The following PLA2G6 variants were observed in gnomAD, a reference collection of about 807,000 sequenced individuals.
The protein encoded by PLA2G6 is phospholipase A2 group VI.
A neutral mutation model predicts 83.8 loss-of-function variants in PLA2G6; 62 were observed. The ratio of observed to expected loss-of-function variants is 0.74; its 90% confidence interval spans 0.60 to 0.91. The LOEUF (loss-of-function observed/expected upper bound fraction) is 0.91, where lower values mean the gene tolerates loss of function less well. Ranked by LOEUF, PLA2G6 falls within the 40% of genes least tolerant of loss-of-function variation. The pLI is 0.00. For synonymous variants in PLA2G6, 417 were observed against 449.8 expected (o/e 0.93, Z 0.92); for missense variants, 944 against 1,102.0 (o/e 0.86, Z 2.03).
At chr22:38,138,386 C>T (rs1383008793) in intron 5 of PLA2G6, 9 of 152,454 alleles carry the variant, frequency 5.9e-5, no homozygotes, top group African/African-American at 1.9e-4. Context: ...TTGGTCCAGC[C>T]CTTAGAAGGG....
chr22:38,112,456 G>A (rs1295860526), intron 16 of PLA2G6, 48 bp downstream of exon 16: 11 of 1,522,576 alleles, frequency 7.2e-6, no homozygotes, highest in Admixed American at 2.0e-5. Context: ...CGGTGAGTCC[G>A]ACCACGCCAG....
intron 1 of PLA2G6, among the ~76,000 whole-genome samples, chr22:38,169,789 G>C (rs933334328): frequency 4.6e-5 from 7 of 152,212 alleles, no homozygotes; most frequent in Admixed American, 4.6e-4. Flanking sequence ...CCTGTAGTGT[G>C]TGGTATTGAC....
chr22:38,133,354 C>G lies in PLA2G6; in HGVS notation c.895-341G>C, dbSNP rs191281061. ...CGCTCCCTGCATCCCTCCCTGGAAC[C>G]CTGCAAAGGTATCACCTCTCACTGG... is the stretch of plus-strand genomic sequence containing the variant. On this transcript the variant is annotated intron_variant, in intron 6 of 16. Coordinates refer to ENST00000332509, the MANE Select transcript of PLA2G6 (RefSeq NM_003560.4). 5.5e-4 allele frequency: 205 copies of G among 374,554 alleles called. No individual in the cohort carries two copies. The East Asian group carries it at 8.5e-3, about 16-fold the overall frequency. The allele number at this position is 374,554 out of a possible 1,614,324, so 23.2% of individuals were successfully genotyped here.
chr22:38,161,757 G>A (rs2090020816), intron 2 of PLA2G6, among the ~76,000 whole-genome samples: 1 of 152,080 alleles, frequency 6.6e-6, no homozygotes, highest in South Asian at 2.1e-4. Context: ...GACAGCAGCA[G>A]GGCTATCAGC....
At chr22:38,127,469 G>C (rs2087935038) in intron 9 of PLA2G6, 1 of 1,325,758 alleles carries the variant, frequency 7.5e-7, no homozygotes, top group Non-Finnish European at 1.0e-6. Context: ...CTGCAAAATT[G>C]AGAGATAAAG....
Position 38,148,507 on chromosome 22 carries a change from T to C in PLA2G6, c.210-2854A>G, listed in dbSNP as rs142804375. 1.3e-3 allele frequency: 925 copies of C among 716,878 alleles called. 1 individual carries two copies. The highest frequency in any genetic ancestry group is 2.0e-3 in the Non-Finnish European group (767 of 384,932). 44.4% of individuals were successfully genotyped at this position (716,878 alleles called of 1,614,324 possible). On this transcript the variant is annotated intron_variant, in intron 2 of 16. Transcript: ENST00000332509. ...TGATGACTCACCAGGCTGGAAGGAATGATGGAAACCCAGGAATTGCAGTGT... is the reference window on the plus strand; with the variant it reads ...TGATGACTCACCAGGCTGGAAGGAACGATGGAAACCCAGGAATTGCAGTGT...
rs1350677479 is a variant in PLA2G6, at chr22:38,113,493, C to T, written c.2196G>A (p.Val732=). 1 of 1,614,042 alleles carries T rather than the reference C, an allele frequency of 6.2e-7. No homozygotes were observed. Among genetic ancestry groups the T allele is most frequent in the African/African-American group, 1.3e-5 (1 of 75,038 alleles). ...FGAKELGKMV[V]DCCTDPDGRA... Reference sequence around the variant, plus strand: ...GGGAGGGGCCCACACTCACACAGTCCACCACCATCTTGCCCAGTTCCTTGG... The same window carrying T: ...GGGAGGGGCCCACACTCACACAGTCTACCACCATCTTGCCCAGTTCCTTGG... The change falls in exon 15 of 17, where the codon GTG becomes GTA. Residue 732 remains valine (V), a synonymous_variant. Coordinates refer to ENST00000332509, the MANE Select transcript of PLA2G6 (RefSeq NM_003560.4).
In PLA2G6 at chr22:38,123,172, C is replaced by T. The variant is rs1183054597; in HGVS notation, c.1514G>A (p.Gly505Asp). The T allele has an allele frequency of 3.2e-6, 5 of 1,551,394 alleles. No homozygotes were observed. The highest frequency in any genetic ancestry group is 2.4e-5 in the East Asian group (1 of 41,028). The stretch of plus-strand genomic sequence containing the variant: ...GTCAAACAGGTCCTTGGTGGCCACA[C>T]CCGAGGCCTTCTCGATGGCGATGAG... ...QLLIAIEKAS[G>D]VATKDLFDWV... is the part of the protein sequence containing the mutation. Residue 505 changes from glycine (G) to aspartate (D), a missense_variant, in exon 11 of 17, where the codon GGT becomes GAT. Gly to Asp is a moderately conservative substitution (Grantham distance 94, BLOSUM62 -1). Coordinates refer to ENST00000332509, the MANE Select transcript of PLA2G6 (RefSeq NM_003560.4). The surrounding 1 kb of genome is among the most constrained non-coding windows in gnomAD (Gnocchi z 4.1).
chr22:38,113,600 T>G lies in PLA2G6; in HGVS notation c.2089A>C (p.Arg697=). 6.2e-7 allele frequency: 1 copy of G among 1,613,404 alleles called. No homozygotes were observed. The highest frequency in any genetic ancestry group is 8.5e-7 in the Non-Finnish European group (1 of 1,179,504). The change falls in exon 15 of 17, where the codon AGG becomes CGG. Residue 697 remains arginine, a synonymous_variant. Transcript: ENST00000332509. ...LSIVVSLGTG[R]SPQVPVTCVD... is the part of the protein sequence containing the mutation. ...CAGGTCACAGGCACTTGTGGGGACC[T>G]CCCTGTCCCCAGGGAGACAACGATG...
At chr22:38,148,145 G>A (rs941315285) in intron 2 of PLA2G6, 8 of 258,074 alleles carry the variant, frequency 3.1e-5, no homozygotes, top group Middle Eastern at 1.5e-3. Flanking sequence ...AGGCATGCAC[G>A]ACCTTGACAA....
At chr22:38,127,441 CCTGGCTTGGGTGA>C in intron 9 of PLA2G6, 1 of 1,332,068 alleles carries the variant, frequency 7.5e-7, no homozygotes, top group Non-Finnish European at 1.0e-6. Context: ...CACCATCCGG[CCTGGCTTGGGTGA>C]CTGCCTGCAA....
At chr22:38,127,633 GACTGGCT>G (rs1281048355) in intron 9 of PLA2G6, among the ~76,000 whole-genome samples, 2 of 152,202 alleles carry the variant, frequency 1.3e-5, no homozygotes, top group Non-Finnish European at 2.9e-5. Flanking sequence ...GCTCACCAAG[GACTGGCT>G]CCTGGCTGCC....
intron 2 of PLA2G6, chr22:38,149,406 T>A (rs1418854025): frequency 6.6e-6 from 1 of 151,886 alleles, no homozygotes; most frequent in African/African-American, 2.4e-5. Flanking sequence ...TTTTGAATGA[T>A]CAAAAAAGCA....
intron 2 of PLA2G6, among the ~76,000 whole-genome samples, chr22:38,164,115 A>T (rs1030165028): frequency 5.3e-5 from 8 of 152,170 alleles, no homozygotes; most frequent in Non-Finnish European, 1.2e-4. Flanking sequence ...ATTAATCTGT[A>T]CCAGGAACAG....
intron 9 of PLA2G6, 105 bp from the exon 10 acceptor site, chr22:38,126,554 G>T: frequency 2.5e-6 from 2 of 791,260 alleles, no homozygotes; most frequent in Non-Finnish European, 4.4e-6. Context: ...CCACGGCCAC[G>T]CCCTCATCCC....
chr22:38,163,575 A>G (rs1312337613), intron 2 of PLA2G6: 1 of 169,710 alleles, frequency 5.9e-6, no homozygotes, highest in Non-Finnish European at 1.5e-5. Flanking sequence ...TCTTGGCCAC[A>G]TGGGGGGTGC....
At chr22:38,150,521 T>A (rs930464044) in intron 2 of PLA2G6, 1 of 152,262 alleles carries the variant, frequency 6.6e-6, no homozygotes, top group Admixed American at 6.5e-5. Context: ...AAATAAATGA[T>A]TCCTTTTATA....
At chr22:38,176,433 G>C (rs4384) in intron 1 of PLA2G6, among the ~76,000 whole-genome samples, 76,195 of 151,992 alleles carry the variant, frequency 0.5, 19,695 homozygotes, top group South Asian at 0.63. Flanking sequence ...CAGGCCTCAC[G>C]AGCCCCAGCT....
chr22:38,154,855 C>T (rs2145870791), intron 2 of PLA2G6, among the ~76,000 whole-genome samples: 1 of 152,286 alleles, frequency 6.6e-6, no homozygotes, highest in Admixed American at 6.5e-5. Flanking sequence ...TGAGGGAACT[C>T]AGTGAAATTC....
Sources: gnomAD v4.1 joint callset for allele counts (sites outside exome capture counted in the v4.1 genomes callset) on GRCh38, gnomAD v4.1.1 for gene constraint, Gnocchi (gnomAD v3.1) non-coding constraint, MANE v1.5 for transcripts, NCBI Gene and HGNC (gene_info 2026-07-23, HGNC 2026-07-21) for gene names.